DENND1A: variants seen among roughly 807,000 people sequenced by gnomAD.
The protein encoded by DENND1A is DENN domain-containing protein 1A.
DENND1A carries 51 observed loss-of-function variants against 113.7 expected under a neutral mutation model. That is an observed-to-expected ratio of 0.45 (90% confidence interval 0.36 to 0.57). The LOEUF is 0.57. Ranked by LOEUF, DENND1A falls within the 20% of genes least tolerant of loss-of-function variation. The pLI, the probability that DENND1A is intolerant of heterozygous loss-of-function variation, is 0.00. For missense variants in DENND1A, 1,258 were observed against 1,395.9 expected (o/e 0.90, Z 1.57); for synonymous variants, 565 against 570.8 (o/e 0.99, Z 0.14).
intron 13 of DENND1A, among the ~76,000 whole-genome samples, chr9:123,500,679 A>G (rs1428438650): frequency 6.6e-6 from 1 of 152,208 alleles, no homozygotes; most frequent in Non-Finnish European, 1.5e-5. Context: ...ATGAAGGGCA[A>G]AGACAGTGTT....
intron 5 of DENND1A, among the ~76,000 whole-genome samples, chr9:123,742,698 T>C (rs532272752): frequency 6.6e-6 from 1 of 152,178 alleles, no homozygotes; most frequent in Non-Finnish European, 1.5e-5. Flanking sequence ...AAACAGGTTA[T>C]GACAGAGATC....
chr9:123,579,975 C>T (rs1031285343), intron 12 of DENND1A, among the ~76,000 whole-genome samples: 2 of 152,162 alleles, frequency 1.3e-5, no homozygotes, highest in Non-Finnish European at 2.9e-5. Flanking sequence ...TATAGGAGGT[C>T]CCATTTGTGC....
chr9:123,744,832 A>G (rs1346916427), intron 5 of DENND1A, among the ~76,000 whole-genome samples: 1 of 144,094 alleles, frequency 6.9e-6, no homozygotes, highest in Non-Finnish European at 1.5e-5. Flanking sequence ...CTGGAGTGCA[A>G]TGGTGCAATC....
chr9:123,392,015 G>T (rs568747273), intron 21 of DENND1A, among the ~76,000 whole-genome samples: 2 of 152,184 alleles, frequency 1.3e-5, no homozygotes. Context: ...TTGTCTCCGC[G>T]TGGAGTTCCC....
chr9:123,659,850 T>G (rs1013891354), intron 8 of DENND1A, among the ~76,000 whole-genome samples: 2 of 152,208 alleles, frequency 1.3e-5, no homozygotes, highest in African/African-American at 4.8e-5. Context: ...TTTAAATTAA[T>G]CCTTGAAAAA....
chr9:123,648,581 A>T (rs911794867), intron 9 of DENND1A, among the ~76,000 whole-genome samples: 1 of 152,082 alleles, frequency 6.6e-6, no homozygotes, highest in Non-Finnish European at 1.5e-5. Flanking sequence ...GTTTTTTTAT[A>T]TGGCAAATCT....
chr9:123,419,745 A>G (rs1376016357), intron 19 of DENND1A, among the ~76,000 whole-genome samples: 6 of 152,244 alleles, frequency 3.9e-5, no homozygotes, highest in African/African-American at 1.4e-4. Context: ...CATTGAAGCG[A>G]TATTTTTGTG....
chr9:123,880,981 A>T (rs1848238599), intron 1 of DENND1A, among the ~76,000 whole-genome samples: 1 of 152,202 alleles, frequency 6.6e-6, no homozygotes, highest in Non-Finnish European at 1.5e-5. Flanking sequence ...GGAAAGAAAA[A>T]TAAGTGTTTT....
rs540679154 is a variant in DENND1A at position 123,383,624 on chromosome 9, C to T, written c.2019+31G>A. On this transcript the variant is annotated intron_variant, in intron 23 of 23. Transcript: ENST00000394215. ...CTCGTGTGCGGACAGTGCCGGCCCC[C>T]GGCCGATACCCTCCCTTGCCCATGC... 1.9e-4 allele frequency: 304 copies of T among 1,598,998 alleles called. 1 individual carries two copies. Among genetic ancestry groups the T allele is most frequent in the South Asian group, 1.4e-3 (122 of 89,662 alleles).
chr9:123,744,257 C>G (rs1290399497), intron 5 of DENND1A, among the ~76,000 whole-genome samples: 1 of 152,144 alleles, frequency 6.6e-6, no homozygotes, highest in African/African-American at 2.4e-5. Flanking sequence ...AAATGGAGAT[C>G]ACATCACATA....
At chr9:123,744,854 C>T (rs1440161341) in intron 5 of DENND1A, among the ~76,000 whole-genome samples, 1 of 148,910 alleles carries the variant, frequency 6.7e-6, no homozygotes, top group South Asian at 2.1e-4. Flanking sequence ...CAGCTCACTG[C>T]AACCTCCGCC....
At chr9:123,485,101 C>G (rs2050681736) in intron 13 of DENND1A, among the ~76,000 whole-genome samples, 1 of 152,222 alleles carries the variant, frequency 6.6e-6, no homozygotes, top group Non-Finnish European at 1.5e-5. Context: ...AGCTGCACTT[C>G]TGCTGCCTCA....
At chr9:123,801,930 T>C (rs553883872) in intron 2 of DENND1A, among the ~76,000 whole-genome samples, 163 of 152,360 alleles carry the variant, frequency 1.1e-3, no homozygotes, top group African/African-American at 3.8e-3. Context: ...GCATCACTCA[T>C]AAATGTGACC....
At position 123,382,094 on chromosome 9, in the gene DENND1A, T is replaced by C; in HGVS notation, c.2551A>G (p.Ser851Gly). 1 of 1,548,434 alleles carries C rather than the reference T, an allele frequency of 6.5e-7. No individual in the cohort carries two copies. The highest frequency in any genetic ancestry group is 8.7e-7 in the Non-Finnish European group (1 of 1,148,608). Residue 851 changes from serine (S) to glycine (G), a missense_variant, in exon 24 of 24, where the codon AGC (serine) becomes GGC (glycine). Ser to Gly is a moderately conservative substitution (Grantham distance 56). Coordinates refer to ENST00000394215, the MANE Select transcript of DENND1A (RefSeq NM_001352964.2). ...AGGGTGCTGCCTGACCAGGCTGTGC[T>C]GAGCGGGTCCAGGAGGGCGAGCAGG... Reference protein sequence around the residue: ...DALLALLDPLSTAWSGSTLPS... With the variant: ...DALLALLDPLGTAWSGSTLPS...
chr9:123,903,256 C>T lies in DENND1A; in HGVS notation c.18-24235G>A, dbSNP rs531522783. Among the ~76,000 whole-genome samples the T allele has an allele frequency of 7.3e-3, 958 of 130,508 alleles. 3 individuals carry two copies. Among genetic ancestry groups the T allele is most frequent in the Non-Finnish European group, 0.011 (716 of 64,258 alleles). The allele number at this position is 130,508 out of a possible 152,430, so 85.6% of individuals were successfully genotyped here. Reference sequence around the variant, plus strand: ...CTGAGGCAGGAGAATGGCGTGAACCCGGGAGGCGGAGCTTGCAGTGAGCCG... The same window carrying T: ...CTGAGGCAGGAGAATGGCGTGAACCTGGGAGGCGGAGCTTGCAGTGAGCCG... On this transcript the variant is annotated intron_variant, in intron 1 of 23. Coordinates refer to ENST00000394215, the MANE Select transcript of DENND1A (RefSeq NM_001352964.2).
intron 21 of DENND1A, among the ~76,000 whole-genome samples, chr9:123,398,785 C>A (rs934687370): frequency 6.6e-6 from 1 of 150,982 alleles, no homozygotes; most frequent in Non-Finnish European, 1.5e-5. Context: ...CCATGGAAAC[C>A]ACCACACAGC....
chr9:123,381,874 C>T lies in DENND1A; in HGVS notation c.2771G>A (p.Gly924Glu), dbSNP rs1405584849. Residue 924 changes from glycine to glutamate, a missense_variant, in exon 24 of 24, where the codon GGG becomes GAG. Physicochemically the swap from Gly to Glu is moderately conservative, Grantham distance 98. Coordinates refer to ENST00000394215, the MANE Select transcript of DENND1A (RefSeq NM_001352964.2). This position sits in a 1 kb window ranked among gnomAD's most constrained non-coding sequence, Gnocchi z 4.7. Reference protein sequence around the residue: ...GPFGAPPASLGPAFASGLLLS... With the variant: ...GPFGAPPASLEPAFASGLLLS... ...CAGGAGGCCGGACGCAAAAGCCGGC[C>T]CCAGGGAAGCTGGAGGGGCCCCGAA... 5.5e-6 allele frequency: 8 copies of T among 1,458,784 alleles called. No individual in the cohort carries two copies. The allele number at this position is 1,458,784 out of a possible 1,614,324, so 90.4% of individuals were successfully genotyped here. A position where few individuals can be genotyped will look rare whatever the true frequency, so the allele number is the denominator to read the frequency against.
chr9:123,584,054 C>T (rs995353150), intron 11 of DENND1A, among the ~76,000 whole-genome samples: 1 of 152,174 alleles, frequency 6.6e-6, no homozygotes, highest in Non-Finnish European at 1.5e-5. Flanking sequence ...TTTAATCACA[C>T]TATTTATCCG....
intron 20 of DENND1A, among the ~76,000 whole-genome samples, chr9:123,410,460 T>C (rs1405861792): frequency 6.6e-6 from 1 of 152,176 alleles, no homozygotes; most frequent in African/African-American, 2.4e-5. Flanking sequence ...CACAGTTTGA[T>C]GGAGATACGG....
Sources: gnomAD v4.1 joint callset for allele counts (sites outside exome capture counted in the v4.1 genomes callset) on GRCh38, gnomAD v4.1.1 for gene constraint, Gnocchi (gnomAD v3.1) non-coding constraint, MANE v1.5 for transcripts, NCBI Gene and HGNC (gene_info 2026-07-23, HGNC 2026-07-21) for gene names.